LIN9: variants seen among roughly 807,000 people sequenced by gnomAD.
LIN9 encodes the protein lin-9 DREAM MuvB core complex component.
LIN9 carries 18 observed loss-of-function variants against 78.0 expected under a neutral mutation model. The observed-to-expected ratio is 0.23, with a 90% confidence interval of 0.16 to 0.34. The LOEUF (loss-of-function observed/expected upper bound fraction) is 0.34, where lower values mean the gene tolerates loss of function less well. Among genes scored for constraint, LIN9 ranks in the 10% least tolerant of loss-of-function variants. The pLI is 1.00. For missense variants in LIN9, 451 were observed against 644.1 expected, an observed-to-expected ratio of 0.70 and a Z score of 3.25; for synonymous variants, 192 against 215.2, an observed-to-expected ratio of 0.89 and a Z score of 0.94.
At chr1:226,237,229 G>C (rs1302147222) in intron 12 of LIN9, among the ~76,000 whole-genome samples, 3 of 152,140 alleles carry the variant, frequency 2.0e-5, no homozygotes, top group African/African-American at 7.2e-5. Context: ...TGCATAGTCT[G>C]CATGTCTTGT....
At chr1:226,272,871 C>A (rs1026108890) in intron 7 of LIN9, among the ~76,000 whole-genome samples, 1 of 152,234 alleles carries the variant, frequency 6.6e-6, no homozygotes, top group South Asian at 2.1e-4. Context: ...GAGCTTGGGG[C>A]CTTCACAGCC....
intron 7 of LIN9, among the ~76,000 whole-genome samples, chr1:226,272,693 C>T (rs1660377850): frequency 6.6e-6 from 1 of 151,782 alleles, no homozygotes; most frequent in Non-Finnish European, 1.5e-5. Flanking sequence ...TGCTTCTAGC[C>T]CTCCTAGGCT....
rs776813342 is a variant in LIN9, at chr1:226,265,507, G to A, written c.1038+26C>T. 4 of 1,431,688 alleles carry A rather than the reference G, an allele frequency of 2.8e-6. No individual in the cohort carries two copies. The highest frequency in any genetic ancestry group is 2.9e-6 in the Non-Finnish European group (3 of 1,022,634). 88.7% of individuals were successfully genotyped at this position (1,431,688 alleles called of 1,614,324 possible). On this transcript the variant is annotated intron_variant, in intron 10 of 14. Coordinates refer to ENST00000681046, the MANE Select transcript of LIN9 (RefSeq NM_001366245.2). The surrounding 1 kb of genome is among the most constrained non-coding windows in gnomAD (Gnocchi z 4.1). ...AAGGCATTGAGTTTTTAAACAAACAGCCAAGATATTCAGAACAATTCTTAC... is the reference window on the plus strand; with the variant it reads ...AAGGCATTGAGTTTTTAAACAAACAACCAAGATATTCAGAACAATTCTTAC...
In LIN9 at chr1:226,265,202, A is replaced by G. The variant is rs1419634589; in HGVS notation, c.1038+331T>C. Among the ~76,000 whole-genome samples, 1 of 152,206 alleles carries G rather than the reference A, an allele frequency of 6.6e-6. No individual in the cohort carries two copies. The highest frequency in any genetic ancestry group is 1.5e-5 in the Non-Finnish European group (1 of 68,034). On this transcript the variant is annotated intron_variant, in intron 10 of 14. Coordinates refer to ENST00000681046, the MANE Select transcript of LIN9 (RefSeq NM_001366245.2). The surrounding 1 kb of genome is among the most constrained non-coding windows in gnomAD (Gnocchi z 4.1). ...TGTTGAACTGACTGATGATGGCAGA[A>G]TATGCTGAGGTTACTAAATAAAAGC...
At position 226,247,141 on chromosome 1, in the gene LIN9, C is replaced by T. The variant is rs373799100; in HGVS notation, c.1119+3698G>A. On this transcript the variant is annotated intron_variant, in intron 11 of 14. Coordinates refer to ENST00000681046, the MANE Select transcript of LIN9 (RefSeq NM_001366245.2). ...TCTAATCTGCTGTGGTTGTATCCAC[C>T]GAGTTCTTAATTTTGATTGCTAGAG... 4.2e-4 allele frequency among the ~76,000 whole-genome samples: 64 copies of T among 151,960 alleles called. No individual in the cohort carries two copies. In the East Asian group the frequency reaches 4.8e-3, roughly 11 times the overall value.
In LIN9 at chr1:226,280,495, C is replaced by T. The variant is rs72762699; in HGVS notation, c.525-2563G>A. Among the ~76,000 whole-genome samples the T allele has an allele frequency of 5.9e-4, 89 of 151,964 alleles. No individual in the cohort carries two copies. The South Asian group carries it at 7.3e-3, about 12-fold the overall frequency. Reference sequence around the variant, plus strand: ...AAGTAGTACTATAAAAACAGACTTGCGGCCGGGCGCAGTGGCTCACACCTG... The same window carrying T: ...AAGTAGTACTATAAAAACAGACTTGTGGCCGGGCGCAGTGGCTCACACCTG... On this transcript the variant is annotated intron_variant, in intron 6 of 14. Coordinates refer to ENST00000681046, the MANE Select transcript of LIN9 (RefSeq NM_001366245.2).
At chr1:226,294,262 C>T (rs1488804766) in intron 4 of LIN9, among the ~76,000 whole-genome samples, 3 of 129,550 alleles carry the variant, frequency 2.3e-5, no homozygotes, top group Non-Finnish European at 3.1e-5. Context: ...GAGCCAAGAT[C>T]GTGCCAATGC....
intron 1 of LIN9, among the ~76,000 whole-genome samples, chr1:226,304,088 T>C (rs1662742248): frequency 6.6e-6 from 1 of 152,254 alleles, no homozygotes; most frequent in Non-Finnish European, 1.5e-5. Context: ...AGTTAATACA[T>C]GTAAAAGTGC....
At chr1:226,232,991 T>C (rs1301390263) in intron 14 of LIN9, 105 bp downstream of exon 14, 1 of 646,040 alleles carries the variant, frequency 1.5e-6, no homozygotes, top group Non-Finnish European at 2.6e-6. Flanking sequence ...ATTTAACGGA[T>C]AATAATATAT....
chr1:226,289,834 C>CGGAG (rs1296903239), intron 4 of LIN9, among the ~76,000 whole-genome samples: 8 of 12,084 alleles, frequency 6.6e-4, no homozygotes, highest in Admixed American at 1.3e-3. Flanking sequence ...AGTAGTCCTC[C>CGGAG]GGGGGGGGGG....
chr1:226,259,042 C>G (rs1659397875), intron 10 of LIN9, among the ~76,000 whole-genome samples: 1 of 148,362 alleles, frequency 6.7e-6, no homozygotes, highest in Non-Finnish European at 1.5e-5. Context: ...GCAATGTCAG[C>G]TCACGCCTCC....
At chr1:226,304,717 C>T (rs1216783193) in intron 1 of LIN9, among the ~76,000 whole-genome samples, 1 of 152,106 alleles carries the variant, frequency 6.6e-6, no homozygotes, top group Admixed American at 6.6e-5. Context: ...GGAGGGGTGA[C>T]TGTGCTTGCA....
intron 4 of LIN9, among the ~76,000 whole-genome samples, chr1:226,292,295 G>C (rs1661840656): frequency 6.6e-6 from 1 of 151,918 alleles, no homozygotes; most frequent in African/African-American, 2.4e-5. Flanking sequence ...TGAGAAGCTG[G>C]GACTACAGGC....
Position 226,277,369 on chromosome 1 carries a change from T to C in LIN9, c.682+406A>G, listed in dbSNP as rs181219621. ...ACTTTTTCCCAATTACTTTAAAAAA[T>C]AGATTTCATGCATGAAGAAAGAGTA... On this transcript the variant is annotated intron_variant, in intron 7 of 14. Coordinates refer to ENST00000681046, the MANE Select transcript of LIN9 (RefSeq NM_001366245.2). Among the ~76,000 whole-genome samples the C allele has an allele frequency of 5.5e-4, 84 of 152,296 alleles. 1 individual carries two copies. Among genetic ancestry groups the C allele is most frequent in the African/African-American group, 1.8e-3 (76 of 41,572 alleles).
At chr1:226,274,936 T>C (rs970152555) in intron 7 of LIN9, among the ~76,000 whole-genome samples, 14 of 152,230 alleles carry the variant, frequency 9.2e-5, no homozygotes, top group African/African-American at 3.4e-4. Flanking sequence ...TTGAAGTCAC[T>C]GTCTGCTAAT....
At chr1:226,297,948 T>C (rs1469344410) in intron 2 of LIN9, 135 bp from the exon 3 acceptor site, 1 of 388,574 alleles carries the variant, frequency 2.6e-6, no homozygotes, top group Non-Finnish European at 4.5e-6. Context: ...ATAATAATTT[T>C]AGATTATTAT....
chr1:226,238,908 G>A, intron 12 of LIN9, 63 bp downstream of exon 12: 1 of 1,526,178 alleles, frequency 6.6e-7, no homozygotes, highest in African/African-American at 1.4e-5. Context: ...TTTCTAAAGT[G>A]TGAAAGTAAA....
intron 12 of LIN9, among the ~76,000 whole-genome samples, chr1:226,237,375 G>A (rs928628561): frequency 6.6e-6 from 1 of 152,154 alleles, no homozygotes; most frequent in Non-Finnish European, 1.5e-5. Context: ...ACTCATGCCT[G>A]TAATCCCAGC....
intron 11 of LIN9, among the ~76,000 whole-genome samples, chr1:226,247,806 G>A (rs1364076299): frequency 3.3e-5 from 5 of 151,900 alleles, no homozygotes; most frequent in Non-Finnish European, 7.4e-5. Context: ...CAAGTAGCTG[G>A]GATTACAGGT....
Sources: gnomAD v4.1 joint callset for allele counts (sites outside exome capture counted in the v4.1 genomes callset) on GRCh38, gnomAD v4.1.1 for gene constraint, Gnocchi (gnomAD v3.1) non-coding constraint, MANE v1.5 for transcripts, NCBI Gene and HGNC (gene_info 2026-07-23, HGNC 2026-07-21) for gene names.